Variants in CNTNAP2 observed in about 807,000 individuals in gnomAD.
CNTNAP2 encodes contactin associated protein 2.
Under a neutral mutation model 155.2 loss-of-function variants are expected in CNTNAP2, and 98 were observed. That is an observed-to-expected ratio of 0.63 (90% CI 0.54 to 0.75). The LOEUF is 0.75. Among genes scored for constraint, CNTNAP2 ranks in the 30% least tolerant of loss-of-function variants. The pLI is 0.00. For missense variants in CNTNAP2, 1,727 were observed against 1,688.1 expected (o/e 1.02, Z -0.40); for synonymous variants, 651 against 631.2 (o/e 1.03, Z -0.47).
intron 3 of CNTNAP2, among the ~76,000 whole-genome samples, chr7:146,984,882 C>A (rs1212427768): frequency 6.6e-6 from 1 of 152,176 alleles, no homozygotes; most frequent in Non-Finnish European, 1.5e-5. Flanking sequence ...TGTTGAAATT[C>A]AAGCACAGTT....
chr7:147,918,783 C>G (rs1437622152), intron 14 of CNTNAP2, among the ~76,000 whole-genome samples: 2 of 152,106 alleles, frequency 1.3e-5, no homozygotes, highest in African/African-American at 4.8e-5. Context: ...CGATATTTAC[C>G]TGCTTGTCCC....
At chr7:147,941,981 C>A (rs951137615) in intron 14 of CNTNAP2, among the ~76,000 whole-genome samples, 3 of 152,192 alleles carry the variant, frequency 2.0e-5, no homozygotes, top group Non-Finnish European at 4.4e-5. Flanking sequence ...ACTGACTTTA[C>A]TGAATGTTGG....
intron 17 of CNTNAP2, among the ~76,000 whole-genome samples, chr7:148,164,831 A>G (rs1805620671): frequency 6.7e-6 from 1 of 149,518 alleles, no homozygotes; most frequent in Non-Finnish European, 1.5e-5. Context: ...TTTTTTTAGT[A>G]CAGACAGGGT....
chr7:147,905,949 C>T (rs1049347875), intron 14 of CNTNAP2, among the ~76,000 whole-genome samples: 2 of 151,372 alleles, frequency 1.3e-5, no homozygotes, highest in African/African-American at 4.9e-5. Flanking sequence ...TTCAATCTAA[C>T]TGGAGGAGTG....
intron 21 of CNTNAP2, among the ~76,000 whole-genome samples, chr7:148,303,892 G>A (rs574907476): frequency 2.3e-4 from 35 of 152,320 alleles, no homozygotes; most frequent in Middle Eastern, 3.4e-3. Flanking sequence ...TCACTGGGTG[G>A]AATGTGAGTC....
At chr7:147,715,966 T>A (rs1796476660) in intron 13 of CNTNAP2, among the ~76,000 whole-genome samples, 1 of 152,208 alleles carries the variant, frequency 6.6e-6, no homozygotes, top group African/African-American at 2.4e-5. Flanking sequence ...AAGACTTTTC[T>A]TCCTCCATCA....
chr7:148,413,046 T>C (rs10480289), intron 23 of CNTNAP2, among the ~76,000 whole-genome samples: 45,023 of 151,868 alleles, frequency 0.3, 7,516 homozygotes, highest in African/African-American at 0.44. Context: ...ATTATCATAA[T>C]ACATGATCTT....
chr7:147,769,964 T>G (rs1797443696), intron 13 of CNTNAP2, among the ~76,000 whole-genome samples: 1 of 152,190 alleles, frequency 6.6e-6, no homozygotes, highest in African/African-American at 2.4e-5. Context: ...GCTCTTAATA[T>G]TTTGACTCTA....
At chr7:148,314,923 C>T (rs550035697) in intron 21 of CNTNAP2, among the ~76,000 whole-genome samples, 3 of 152,066 alleles carry the variant, frequency 2.0e-5, no homozygotes, top group Non-Finnish European at 2.9e-5. Context: ...GTGTCTCCTT[C>T]GTCTCTACCA....
chr7:147,133,823 T>C (rs1314895151), intron 8 of CNTNAP2, among the ~76,000 whole-genome samples: 58 of 152,088 alleles, frequency 3.8e-4, no homozygotes, highest in Non-Finnish European at 7.4e-5. Context: ...TCAAAGGTAT[T>C]GGGAAATACC....
At chr7:147,877,336 C>T (rs1000890815) in intron 13 of CNTNAP2, among the ~76,000 whole-genome samples, 1 of 152,140 alleles carries the variant, frequency 6.6e-6, no homozygotes, top group African/African-American at 2.4e-5. Context: ...GTCAGTCCAT[C>T]CATGTGTAAT....
intron 18 of CNTNAP2, among the ~76,000 whole-genome samples, chr7:148,214,215 C>T (rs1208048215): frequency 6.6e-6 from 1 of 152,240 alleles, no homozygotes; most frequent in African/African-American, 2.4e-5. Flanking sequence ...AGGTCCGGAG[C>T]TCCTTCAGAG....
intron 1 of CNTNAP2, among the ~76,000 whole-genome samples, chr7:146,599,434 T>C (rs1175732045): frequency 6.6e-6 from 1 of 152,058 alleles, no homozygotes; most frequent in East Asian, 1.9e-4. Flanking sequence ...CTGATCTCAT[T>C]GTGTTCTACT....
intron 3 of CNTNAP2, among the ~76,000 whole-genome samples, chr7:146,904,656 A>C (rs907423840): frequency 1.8e-4 from 28 of 152,220 alleles, no homozygotes; most frequent in Non-Finnish European, 3.4e-4. Context: ...TATTTTTAGT[A>C]GAGACGGGGT....
At chr7:148,357,461 C>T (rs986565766) in intron 21 of CNTNAP2, among the ~76,000 whole-genome samples, 19 of 152,108 alleles carry the variant, frequency 1.2e-4, no homozygotes, top group African/African-American at 4.1e-4. Context: ...GTGAAAGGCC[C>T]ATCTCCCTCT....
At chr7:148,331,524 AAT>A (rs1798011964) in intron 21 of CNTNAP2, among the ~76,000 whole-genome samples, 2 of 53,230 alleles carry the variant, frequency 3.8e-5, no homozygotes, top group African/African-American at 1.3e-4. Context: ...GGATGGATGG[AAT>A]GGATGGACGG....
intron 10 of CNTNAP2, among the ~76,000 whole-genome samples, chr7:147,471,811 C>T (rs142107663): frequency 6.6e-6 from 1 of 152,098 alleles, no homozygotes; most frequent in African/African-American, 2.4e-5. Flanking sequence ...TGACAATGAA[C>T]CCGAGAGGTA....
At chr7:147,508,035 C>CCCTTA (rs1798943593) in intron 11 of CNTNAP2, among the ~76,000 whole-genome samples, 1 of 152,228 alleles carries the variant, frequency 6.6e-6, no homozygotes, top group East Asian at 1.9e-4. Flanking sequence ...TATGCACTTA[C>CCCTTA]CCTTACTGTC....
At chr7:147,694,711 TTC>T (rs1796137808) in intron 13 of CNTNAP2, among the ~76,000 whole-genome samples, 1 of 152,174 alleles carries the variant, frequency 6.6e-6, no homozygotes, top group African/African-American at 2.4e-5. Flanking sequence ...AGTTGATGCC[TTC>T]TCTCTCCTTT....
Sources: allele counts gnomAD v4.1 joint callset (sites outside exome capture counted in the v4.1 genomes callset), GRCh38; gene constraint gnomAD v4.1.1; transcripts MANE v1.5; gene names NCBI Gene and HGNC (gene_info 2026-07-23, HGNC 2026-07-21).